Variants in RALGPS2 observed in about 807,000 individuals in gnomAD.
RALGPS2 encodes the protein Ral GEF with PH domain and SH3 binding motif 2, also known as ras-specific guanine nucleotide-releasing factor RalGPS2.
A neutral mutation model predicts 86.8 loss-of-function variants in RALGPS2; 43 were observed. The ratio of observed to expected loss-of-function variants is 0.50; its 90% CI spans 0.39 to 0.64. The LOEUF is 0.64. RALGPS2 is among the 30% of genes least tolerant of loss of function. The pLI is 0.00. For missense variants in RALGPS2, 536 were observed against 694.6 expected (o/e 0.77, Z 2.57); for synonymous variants, 243 against 231.3 (o/e 1.05, Z -0.46).
chr1:178,747,133 T>G, intron 1 of RALGPS2: 1 of 976,576 alleles, frequency 1.0e-6, no homozygotes, highest in Non-Finnish European at 1.7e-6. Context: ...TATCATCTCC[T>G]TTTTCCATCA....
rs975009995 is a variant in RALGPS2, at chr1:178,779,427, T to C, written c.57+2606T>C. Among the ~76,000 whole-genome samples, 9 of 152,334 alleles carry C rather than the reference T, an allele frequency of 5.9e-5. No individual in the cohort carries two copies. In the South Asian group the frequency reaches 1.2e-3, roughly 21 times the overall value. ...ACACCTTGACCTCAAAGTTCCTTAA[T>C]AGCCCCAACTCCATTTTGCCCCAGC... is the stretch of plus-strand genomic sequence containing the variant. On this transcript the variant is annotated intron_variant, in intron 2 of 19. Coordinates refer to ENST00000367635, the MANE Select transcript of RALGPS2 (RefSeq NM_152663.5).
chr1:178,856,956 T>C (rs991537917), intron 8 of RALGPS2, among the ~76,000 whole-genome samples: 40 of 152,280 alleles, frequency 2.6e-4, no homozygotes, highest in Middle Eastern at 3.4e-3. Context: ...AAAAATCCCA[T>C]GTAAACCAGT....
At chr1:178,877,392 A>G (rs112918988) in intron 8 of RALGPS2, 106 bp from the exon 9 acceptor site, 1 of 1,461,396 alleles carries the variant, frequency 6.8e-7, no homozygotes, top group African/African-American at 1.4e-5. Flanking sequence ...TTTTAAATGT[A>G]GCGTACAGTG....
chr1:178,854,804 A>C (rs534208267), intron 8 of RALGPS2, among the ~76,000 whole-genome samples: 1 of 152,188 alleles, frequency 6.6e-6, no homozygotes, highest in East Asian at 1.9e-4. Flanking sequence ...TCCATTTTTA[A>C]TCCACTAATA....
At chr1:178,913,637 T>C (rs1660703725) in intron 19 of RALGPS2, among the ~76,000 whole-genome samples, 1 of 152,218 alleles carries the variant, frequency 6.6e-6, no homozygotes, top group African/African-American at 2.4e-5. Context: ...AGTTGCTGAC[T>C]TTTGGATGGT....
chr1:178,766,527 T>A (rs1193249119), intron 1 of RALGPS2, among the ~76,000 whole-genome samples: 1 of 152,036 alleles, frequency 6.6e-6, no homozygotes, highest in Non-Finnish European at 1.5e-5. Flanking sequence ...CCGCACCTAG[T>A]CAGTGTGTCT....
chr1:178,743,383 A>G lies in RALGPS2; in HGVS notation c.-84+17964A>G, dbSNP rs148427281. ...GATTAAAGTAATTACAGGAAAGGGT[A>G]TACTAAAGATCAGTGTGGATATTAT... is the stretch of plus-strand genomic sequence containing the variant. On this transcript the variant is annotated intron_variant, in intron 1 of 19. Coordinates refer to ENST00000367635, the MANE Select transcript of RALGPS2 (RefSeq NM_152663.5). Among the ~76,000 whole-genome samples, 5 of 152,324 alleles carry G rather than the reference A, an allele frequency of 3.3e-5. No homozygotes were observed. The East Asian group carries it at 7.7e-4, about 23-fold the overall frequency.
intron 8 of RALGPS2, among the ~76,000 whole-genome samples, chr1:178,840,220 A>G (rs181068171): frequency 6.6e-6 from 1 of 152,354 alleles, no homozygotes; most frequent in Non-Finnish European, 1.5e-5. Flanking sequence ...ACCATGTTGC[A>G]CTTATTCCAA....
At chr1:178,883,864 CT>C (rs936048402) in intron 11 of RALGPS2, among the ~76,000 whole-genome samples, 4 of 152,008 alleles carry the variant, frequency 2.6e-5, no homozygotes, top group African/African-American at 4.8e-5. Context: ...TGGCGGGCAC[CT>C]ATAGTCCCAG....
intron 1 of RALGPS2, among the ~76,000 whole-genome samples, chr1:178,759,588 A>G (rs1483600481): frequency 1.4e-5 from 2 of 140,204 alleles, no homozygotes; most frequent in African/African-American, 5.3e-5. Flanking sequence ...GTGGTTCCAT[A>G]TAAATTTTAG....
At chr1:178,835,392 CTT>C (rs71297889) in intron 8 of RALGPS2, among the ~76,000 whole-genome samples, 18 of 122,032 alleles carry the variant, frequency 1.5e-4, no homozygotes, top group Admixed American at 4.2e-4. Flanking sequence ...TCTTTCTTTT[CTT>C]TTTTTTTTTT....
chr1:178,737,646 C>T (rs551019775), intron 1 of RALGPS2, among the ~76,000 whole-genome samples: 1 of 152,232 alleles, frequency 6.6e-6, no homozygotes, highest in South Asian at 2.1e-4. Flanking sequence ...TTAAAATTCA[C>T]CTATGTTTAC....
intron 14 of RALGPS2, among the ~76,000 whole-genome samples, chr1:178,891,554 C>T (rs761610860): frequency 2.6e-5 from 4 of 151,884 alleles, no homozygotes; most frequent in South Asian, 2.1e-4. Flanking sequence ...ACAGTGCTTT[C>T]GGGTTTTCCT....
chr1:178,786,511 GGT>G (rs149631528), intron 4 of RALGPS2, among the ~76,000 whole-genome samples: 4 of 151,640 alleles, frequency 2.6e-5, no homozygotes. Flanking sequence ...TAAGCATGGG[GGT>G]GTGTGTGTGT....
Position 178,838,321 on chromosome 1 carries a change from C to T in RALGPS2, c.607+4771C>T, listed in dbSNP as rs148730113. Reference sequence around the variant, plus strand: ...CACACATCTGGGTAGCCCTCTGAGACGAAGCTTCTAGAGGAACAATCAGGC... The same window carrying T: ...CACACATCTGGGTAGCCCTCTGAGATGAAGCTTCTAGAGGAACAATCAGGC... On this transcript the variant is annotated intron_variant, in intron 8 of 19. Coordinates refer to ENST00000367635, the MANE Select transcript of RALGPS2 (RefSeq NM_152663.5). Among the ~76,000 whole-genome samples the T allele has an allele frequency of 1.7e-3, 259 of 152,282 alleles. 2 individuals are homozygous for T. The highest frequency in any genetic ancestry group is 5.8e-3 in the African/African-American group (242 of 41,560).
intron 13 of RALGPS2, 75 bp downstream of exon 13, chr1:178,886,195 AC>A: frequency 6.8e-7 from 1 of 1,460,896 alleles, no homozygotes; most frequent in Non-Finnish European, 9.4e-7. Context: ...CTGGAAAAAA[AC>A]CCCACCCACA....
intron 1 of RALGPS2, among the ~76,000 whole-genome samples, chr1:178,774,145 T>A (rs761776918): frequency 1.3e-5 from 2 of 151,702 alleles, no homozygotes; most frequent in Non-Finnish European, 2.9e-5. Context: ...TGTGGTGGCT[T>A]GTGCCTATAA....
At chr1:178,849,202 C>T (rs1284648898) in intron 8 of RALGPS2, among the ~76,000 whole-genome samples, 1 of 152,302 alleles carries the variant, frequency 6.6e-6, no homozygotes, top group East Asian at 1.9e-4. Context: ...ACACAGCTAG[C>T]AAGTGGTAGA....
intron 1 of RALGPS2, among the ~76,000 whole-genome samples, chr1:178,766,709 G>T (rs1652526192): frequency 1.3e-5 from 2 of 152,104 alleles, no homozygotes. Context: ...TGGAGAATCG[G>T]ATGACTGTGT....
Sources: allele counts gnomAD v4.1 joint callset (sites outside exome capture counted in the v4.1 genomes callset), GRCh38; gene constraint gnomAD v4.1.1; transcripts MANE v1.5; gene names NCBI Gene and HGNC (gene_info 2026-07-23, HGNC 2026-07-21).